The following PDS5B variants were observed in gnomAD, a reference collection of about 807,000 sequenced individuals.
PDS5B encodes PDS5 cohesin associated factor B, also known as sister chromatid cohesion protein PDS5 homolog B.
PDS5B carries 51 observed loss-of-function variants against 184.1 expected under a neutral mutation model. The observed-to-expected ratio is 0.28, with a 90% CI of 0.22 to 0.35. The LOEUF is 0.35. Ranked by LOEUF, PDS5B falls within the 10% of genes least tolerant of loss-of-function variation. The probability of loss-of-function intolerance (pLI) is 1.00; values close to 1 mark genes in which losing one functional copy is unlikely to be tolerated. For synonymous variants in PDS5B, 566 were observed against 569.2 expected, an observed-to-expected ratio of 0.99 and a Z score of 0.08; for missense variants, 1,180 against 1,723.3, an observed-to-expected ratio of 0.68 and a Z score of 5.58.
chr13:32,681,682 A>G (rs991655238), intron 10 of PDS5B, among the ~76,000 whole-genome samples: 4 of 151,128 alleles, frequency 2.6e-5, no homozygotes, highest in African/African-American at 9.7e-5. Context: ...CACATCTTCA[A>G]TTATTTTCTT....
chr13:32,695,761 G>A (rs1052424931), intron 14 of PDS5B, among the ~76,000 whole-genome samples: 2 of 151,762 alleles, frequency 1.3e-5, no homozygotes, highest in Non-Finnish European at 2.9e-5. Context: ...TCTTCATTTT[G>A]CCTGTTGTTA....
At chr13:32,685,904 T>A (rs1464250995) in intron 11 of PDS5B, among the ~76,000 whole-genome samples, 1 of 152,024 alleles carries the variant, frequency 6.6e-6, no homozygotes, top group Non-Finnish European at 1.5e-5. Context: ...CCTCCCAAAG[T>A]GTTAGGATTA....
At chr13:32,664,303 A>G (rs1272911728) in intron 6 of PDS5B, among the ~76,000 whole-genome samples, 1 of 151,860 alleles carries the variant, frequency 6.6e-6, no homozygotes, top group African/African-American at 2.4e-5. Flanking sequence ...AGAAAATATA[A>G]GAACATTCTA....
chr13:32,742,725 T>G lies in PDS5B; in HGVS notation c.2610T>G (p.Ile870Met). Residue 870 changes from isoleucine to methionine, a missense_variant and splice_region_variant, in exon 23 of 35, where the codon ATT becomes ATG. This residue lies in a region of PDS5B where 475 missense variants were observed against 691.5 expected (regional missense o/e 0.69). Transcript: ENST00000315596. ...SDGDLTEQGKISKPDMSRLRL... is the reference protein window; with the variant it reads ...SDGDLTEQGKMSKPDMSRLRL... ...GAGACTTGACAGAACAGGGGAAAAT[T>G]AGGTATGCAATTACTATTTCACAGT... The G allele has an allele frequency of 6.2e-7, 1 of 1,611,236 alleles. No individual in the cohort carries two copies. The highest frequency in any genetic ancestry group is 2.2e-5 in the East Asian group (1 of 44,694).
In PDS5B at chr13:32,694,322, C is replaced by T. The variant is rs756359796; in HGVS notation, c.1551+18C>T. 4 of 1,497,514 alleles carry T rather than the reference C, an allele frequency of 2.7e-6. No individual in the cohort carries two copies. Among genetic ancestry groups the T allele is most frequent in the Admixed American group, 1.8e-5 (1 of 55,168 alleles). 92.8% of individuals were successfully genotyped at this position (1,497,514 alleles called of 1,614,324 possible). A position where few individuals can be genotyped will look rare whatever the true frequency, so the allele number is the denominator to read the frequency against. On this transcript the variant is annotated intron_variant, in intron 14 of 34. Transcript: ENST00000315596. ...AACCCAAAGTAAGTAAGAATTTTTT[C>T]CTTCAATGTTTTTTAAAACACATGT... is the stretch of plus-strand genomic sequence containing the variant.
intron 17 of PDS5B, among the ~76,000 whole-genome samples, chr13:32,701,981 C>A (rs1159930815): frequency 6.6e-6 from 1 of 151,890 alleles, no homozygotes; most frequent in Non-Finnish European, 1.5e-5. Context: ...CTCTGCATTC[C>A]CTTTTGTGAA....
At chr13:32,665,364 G>A (rs903657202) in intron 6 of PDS5B, among the ~76,000 whole-genome samples, 1 of 151,818 alleles carries the variant, frequency 6.6e-6, no homozygotes, top group African/African-American at 2.4e-5. Flanking sequence ...GGCCGAGGCG[G>A]GCAGATCACG....
At chr13:32,767,054 T>C (rs1281225030) in intron 31 of PDS5B, among the ~76,000 whole-genome samples, 1 of 152,156 alleles carries the variant, frequency 6.6e-6, no homozygotes, top group Non-Finnish European at 1.5e-5. Context: ...AATCCAGTCA[T>C]GTATAGATCT....
At chr13:32,726,019 A>G (rs1294223650) in intron 19 of PDS5B, among the ~76,000 whole-genome samples, 2 of 152,046 alleles carry the variant, frequency 1.3e-5, no homozygotes, top group Non-Finnish European at 2.9e-5. Context: ...GCTCTTTTAA[A>G]ATTTAATTTT....
intron 13 of PDS5B, chr13:32,689,383 G>A (rs1273027745): frequency 6.6e-6 from 1 of 152,124 alleles, no homozygotes; most frequent in East Asian, 1.9e-4. Flanking sequence ...GTGAGGACAA[G>A]GTTGTAGAGG....
chr13:32,636,678 A>C (rs1176063661), intron 1 of PDS5B, among the ~76,000 whole-genome samples: 17 of 152,198 alleles, frequency 1.1e-4, no homozygotes, highest in Non-Finnish European at 1.5e-5. Flanking sequence ...TTGCTTTTTA[A>C]CCTGCATTGT....
At chr13:32,596,846 A>G (rs118163850) in intron 1 of PDS5B, among the ~76,000 whole-genome samples, 2,113 of 152,066 alleles carry the variant, frequency 0.014, 42 homozygotes, top group South Asian at 0.082. Context: ...TCTTTTTACT[A>G]TTGATATGCA....
rs1276268516 is a variant in PDS5B, at chr13:32,716,765, G to A, written c.2123+6659G>A. On this transcript the variant is annotated intron_variant, in intron 19 of 34. Coordinates refer to ENST00000315596, the MANE Select transcript of PDS5B (RefSeq NM_015032.4). ...TGGGAAGTGAGGGGCCCCTCTGCCC[G>A]GCCAGCCGCCCCGTCCGGGAGGGAG... Among the ~76,000 whole-genome samples, 24 of 138,508 alleles carry A rather than the reference G, an allele frequency of 1.7e-4. 1 individual carries two copies. Among genetic ancestry groups the A allele is most frequent in the Non-Finnish European group, 3.7e-4 (23 of 61,728 alleles). 90.9% of individuals were successfully genotyped at this position (138,508 alleles called of 152,430 possible).
intron 3 of PDS5B, among the ~76,000 whole-genome samples, chr13:32,655,669 C>A (rs1010611441): frequency 6.6e-6 from 1 of 151,836 alleles, no homozygotes; most frequent in Non-Finnish European, 1.5e-5. Context: ...CTGCACCCGG[C>A]CTGCCCTCTT....
At chr13:32,678,715 T>G (rs1951143742) in intron 9 of PDS5B, 120 bp from the exon 10 acceptor site, 5 of 632,808 alleles carry the variant, frequency 7.9e-6, no homozygotes, top group Non-Finnish European at 1.4e-5. Context: ...TGGTTCTACT[T>G]TGCATTTTCC....
At chr13:32,654,424 A>G (rs1358354071) in intron 3 of PDS5B, among the ~76,000 whole-genome samples, 2 of 152,196 alleles carry the variant, frequency 1.3e-5, no homozygotes, top group Non-Finnish European at 2.9e-5. Context: ...CATAGGGTCA[A>G]TATGGCGTGT....
Position 32,770,169 on chromosome 13 carries a change from CAGG to C in PDS5B, c.3679_3681del (p.Glu1227del). 2 of 1,612,972 alleles carry C rather than the reference CAGG, an allele frequency of 1.2e-6. No homozygotes were observed. The highest frequency in any genetic ancestry group is 1.7e-5 in the Admixed American group (1 of 59,924). On this transcript the variant is annotated inframe_deletion, in exon 32 of 35. Coordinates refer to ENST00000315596, the MANE Select transcript of PDS5B (RefSeq NM_015032.4). ...CAGGAAAAAAACGCCCGTCACAGAA[CAGG>C]AGGAGAAATTAGGTATGGATGACTT...
In PDS5B at chr13:32,658,548, A is replaced by G; in HGVS notation, c.497+17A>G. On this transcript the variant is annotated intron_variant, in intron 5 of 34. Coordinates refer to ENST00000315596, the MANE Select transcript of PDS5B (RefSeq NM_015032.4). Reference sequence around the variant, plus strand: ...AGTTATAAAGTAAGTTTATTTTATTAAGTATGTAACATTAAAAAAAGGTAA... The same window carrying G: ...AGTTATAAAGTAAGTTTATTTTATTGAGTATGTAACATTAAAAAAAGGTAA... 1 of 1,288,700 alleles carries G rather than the reference A, an allele frequency of 7.8e-7. No individual in the cohort carries two copies. 79.8% of individuals were successfully genotyped at this position (1,288,700 alleles called of 1,614,324 possible). A position where few individuals can be genotyped will look rare whatever the true frequency, so the allele number is the denominator to read the frequency against.
At chr13:32,687,109 A>T (rs1951420756) in intron 11 of PDS5B, 25 bp from the exon 12 acceptor site, 1 of 1,560,282 alleles carries the variant, frequency 6.4e-7, no homozygotes, top group Non-Finnish European at 8.7e-7. Context: ...TTTTTACATT[A>T]TAAATAAAAC....
Sources: allele counts gnomAD v4.1 joint callset (sites outside exome capture counted in the v4.1 genomes callset), GRCh38; gene constraint gnomAD v4.1.1; regional missense constraint gnomAD v4.1.1; transcripts MANE v1.5; gene names NCBI Gene and HGNC (gene_info 2026-07-23, HGNC 2026-07-21).